The following WDR74 variants were observed in gnomAD, a reference collection of about 807,000 sequenced individuals.
WDR74 encodes the protein WD repeat domain 74, also known as WD repeat-containing protein 74.
In WDR74, 31 loss-of-function variants were observed where a neutral mutation model predicts 45.6. The ratio of observed to expected loss-of-function variants is 0.68; its 90% CI spans 0.51 to 0.92. The LOEUF (loss-of-function observed/expected upper bound fraction) is 0.92. Ranked by LOEUF, WDR74 falls within the 40% of genes least tolerant of loss-of-function variation. The pLI is 0.00. For missense variants in WDR74, 455 were observed against 497.2 expected (o/e 0.92, Z 0.81); for synonymous variants, 191 against 192.4 (o/e 0.99, Z 0.06).
rs573155623 is a variant in WDR74 at position 62,834,854 on chromosome 11, G to C, written c.619-327C>G. 3 of 342,842 alleles carry C rather than the reference G, an allele frequency of 8.8e-6. No individual in the cohort carries two copies. In the South Asian group the frequency reaches 1.4e-4, roughly 16 times the overall value. The allele number at this position is 342,842 out of a possible 1,614,324, so 21.2% of individuals were successfully genotyped here. On this transcript the variant is annotated intron_variant, in intron 6 of 10. Transcript: ENST00000278856. ...CAGTAGGTGCTAAATTTCAAGCAGG[G>C]GTTAGCCTGAATGAAGGAGGAAAGA...
intron 5 of WDR74, 39 bp from the exon 6 acceptor site, chr11:62,835,571 G>T: frequency 1.2e-6 from 2 of 1,612,954 alleles, no homozygotes; most frequent in South Asian, 1.1e-5. Flanking sequence ...GCTATGGGGG[G>T]CTCGATGTGC....
At chr11:62,839,847 TTATGTAA>T (rs1480261132), upstream of WDR74, 1 of 511,222 alleles carries the variant, frequency 2.0e-6, no homozygotes, top group Non-Finnish European at 3.5e-6. Context: ...CCCGGCTCCA[TTATGTAA>T]TATGTGTTCT....
chr11:62,833,183 C>T (rs2084898625), intron 10 of WDR74, 52 bp from the exon 11 acceptor site: 1 of 1,578,440 alleles, frequency 6.3e-7, no homozygotes, highest in Non-Finnish European at 8.6e-7. Flanking sequence ...CACGGTGGCT[C>T]CCACCTGTAA....
intron 8 of WDR74, 131 bp downstream of exon 8, chr11:62,834,145 A>T (rs1006476353): frequency 9.4e-6 from 14 of 1,491,358 alleles, no homozygotes; most frequent in Non-Finnish European, 1.3e-5. Flanking sequence ...GCTTTTAGGG[A>T]AACCAGGATT....
In WDR74 at chr11:62,833,793, TTA is replaced by T; in HGVS notation, c.918_919del (p.His306GlnfsTer22). 1 of 1,613,504 alleles carries T rather than the reference TTA, an allele frequency of 6.2e-7. No individual in the cohort carries two copies. Among genetic ancestry groups the T allele is most frequent in the Non-Finnish European group, 8.5e-7 (1 of 1,179,686 alleles). ...TTGGAGGTGGGAGAGACAACTTACC[TTA>T]TGCTCCAGACCCCGTGGATTCTGGA... On this transcript the variant is annotated frameshift_variant and splice_region_variant, in exon 9 of 11. Coordinates refer to ENST00000278856, the MANE Select transcript of WDR74 (RefSeq NM_001369450.1). LOFTEE classifies it high-confidence loss of function.
At chr11:62,839,936 A>G (rs2085023130), upstream of WDR74, 6 of 217,044 alleles carry the variant, frequency 2.8e-5, no homozygotes, top group South Asian at 5.5e-4. Context: ...GATTCAAATC[A>G]TTAATGATGT....
chr11:62,835,226 G>GA (rs2084940630), intron 6 of WDR74: 1 of 574,672 alleles, frequency 1.7e-6, no homozygotes, highest in Non-Finnish European at 3.1e-6. Flanking sequence ...CAGGTGGGAG[G>GA]AAAACAGGCA....
upstream of WDR74, chr11:62,841,611 C>A (rs1052363857): frequency 5.3e-5 from 8 of 152,290 alleles, no homozygotes; most frequent in African/African-American, 9.6e-5. Context: ...GTTGTTCTCT[C>A]CCCGAAGGGA....
In WDR74 at chr11:62,835,605, C is replaced by T. The variant is rs576967693; in HGVS notation, c.517-73G>A. ...GCCCCTGTTTTCAGCCCTCCTTCGC[C>T]CCCTAAGTCCATCTAGTCTCTAATG... On this transcript the variant is annotated intron_variant, in intron 5 of 10. Transcript: ENST00000278856. The T allele has an allele frequency of 4.8e-5, 77 of 1,613,320 alleles. No individual in the cohort carries two copies. In the African/African-American group the frequency reaches 7.9e-4, roughly 16 times the overall value.
Position 62,834,524 on chromosome 11 carries a change from G to C in WDR74, c.622C>G (p.Arg208Gly). 1 of 1,606,118 alleles carries C rather than the reference G, an allele frequency of 6.2e-7. No homozygotes were observed. The highest frequency in any genetic ancestry group is 8.5e-7 in the Non-Finnish European group (1 of 1,179,032). ...LVTCTGYHQV[R>G]VYDPASPQRR... is the part of the protein sequence containing the mutation. ...TGGGGGGATGCTGGATCATAAACAC[G>C]GACCTAGAGGAAGGCTGAAGCATCA... The change falls in exon 7 of 11, where the codon CGT becomes GGT. Residue 208 changes from arginine to glycine, a missense_variant. Coordinates refer to ENST00000278856, the MANE Select transcript of WDR74 (RefSeq NM_001369450.1).
At chr11:62,841,438 T>C (rs895778729), upstream of WDR74, 2 of 152,228 alleles carry the variant, frequency 1.3e-5, no homozygotes, top group Non-Finnish European at 2.9e-5. Context: ...ATGGAGATAC[T>C]ACGCTCCGTG....
Position 62,834,462 on chromosome 11 carries a change from G to T in WDR74, c.684C>A (p.Tyr228Ter). 6.2e-7 allele frequency: 1 copy of T among 1,612,258 alleles called. No individual in the cohort carries two copies. The highest frequency in any genetic ancestry group is 8.5e-7 in the Non-Finnish European group (1 of 1,179,426). Residue 228 changes from tyrosine to a stop codon, truncating the protein, a stop_gained, in exon 7 of 11, where the codon TAC becomes TAA. Transcript: ENST00000278856. LOFTEE classifies it high-confidence loss of function. ...RPVLETTYGE[Y>*]PLTAMTLTPG... ...GAGTGAGGGTCATGGCTGTTAGTGG[G>T]TACTCTCCATAGGTGGTCTCTAGGA...
At chr11:62,839,813 G>T (rs781498717), upstream of WDR74, 4 of 566,754 alleles carry the variant, frequency 7.1e-6, no homozygotes, top group South Asian at 2.2e-5. Flanking sequence ...TGCGTGGCCG[G>T]ATCAAGCCAG....
chr11:62,835,637 C>T (rs746556384), intron 5 of WDR74, 58 bp downstream of exon 5: 6 of 1,613,842 alleles, frequency 3.7e-6, no homozygotes, highest in Admixed American at 1.7e-5. Flanking sequence ...AATGCATCGT[C>T]AGTGGCCTCA....
chr11:62,834,442 A>G lies in WDR74; in HGVS notation c.704T>C (p.Leu235Pro). ...YGEYPLTAMT[L>P]TPGGNSVIVG... is the part of the protein sequence containing the mutation. ...AAACACTCACTTGCCTCCCGGAGTG[A>G]GGGTCATGGCTGTTAGTGGGTACTC... Residue 235 changes from leucine to proline, a missense_variant, in exon 7 of 11, where the codon CTC (leucine) becomes CCC (proline). By Grantham distance (98) the Leu-to-Pro change is moderately conservative (BLOSUM62 -3). Coordinates refer to ENST00000278856, the MANE Select transcript of WDR74 (RefSeq NM_001369450.1). The G allele has an allele frequency of 7.0e-7, 1 of 1,438,062 alleles. No individual in the cohort carries two copies. Among genetic ancestry groups the G allele is most frequent in the South Asian group, 1.1e-5 (1 of 88,406 alleles). 89.1% of individuals were successfully genotyped at this position (1,438,062 alleles called of 1,614,324 possible).
Position 62,836,043 on chromosome 11 carries a change from A to C in WDR74, c.294-7T>G. ...CACACATGTGATGAGGGTGCTGCAG[A>C]GAAAGGATAGAGTTGGGATTTTTTA... On this transcript the variant is annotated splice_polypyrimidine_tract_variant and splice_region_variant and intron_variant, in intron 3 of 10. Transcript: ENST00000278856. 6.3e-7 allele frequency: 1 copy of C among 1,577,436 alleles called. No individual in the cohort carries two copies. The highest frequency in any genetic ancestry group is 8.6e-7 in the Non-Finnish European group (1 of 1,160,988).
At chr11:62,836,242 AGGGCTTGACAG>A in intron 3 of WDR74, 4 of 539,700 alleles carry the variant, frequency 7.4e-6, no homozygotes, top group South Asian at 4.5e-5. Flanking sequence ...GGCTCTAGGC[AGGGCTTGACAG>A]CTTCCAGCTT....
upstream of WDR74, chr11:62,840,274 T>C (rs1475745900): frequency 1.3e-5 from 2 of 152,198 alleles, no homozygotes; most frequent in Admixed American, 6.5e-5. Flanking sequence ...GGTCAGGAGA[T>C]CGAGACCATC....
upstream of WDR74, chr11:62,841,525 C>G (rs568830314): frequency 5.3e-5 from 8 of 152,030 alleles, no homozygotes; most frequent in East Asian, 5.8e-4. Flanking sequence ...ATAAAAACAC[C>G]TAATCCAACT....
Sources: allele counts gnomAD v4.1 joint callset, GRCh38; gene constraint gnomAD v4.1.1; transcripts MANE v1.5; gene names NCBI Gene and HGNC (gene_info 2026-07-23, HGNC 2026-07-21).